SLC8A3: variants seen among roughly 807,000 people sequenced by gnomAD.
SLC8A3 encodes the protein sodium/calcium exchanger 3.
Under a neutral mutation model 65.4 loss-of-function variants are expected in SLC8A3, and 37 were observed. That is an observed-to-expected ratio of 0.57 (90% CI 0.44 to 0.74). The LOEUF is 0.74. SLC8A3 is among the 30% of genes least tolerant of loss of function. SLC8A3 has a pLI of 0.00. For synonymous variants in SLC8A3, 461 were observed against 444.5 expected (o/e 1.04, Z -0.47); for missense variants, 1,112 against 1,172.1 (o/e 0.95, Z 0.75).
chr14:70,060,496 C>A (rs1476823897), intron 3 of SLC8A3, among the ~76,000 whole-genome samples: 2 of 151,954 alleles, frequency 1.3e-5, no homozygotes, highest in Non-Finnish European at 2.9e-5. Context: ...AGTGCAGGGG[C>A]CCATGGCAAT....
chr14:70,048,259 T>G, intron 6 of SLC8A3: 1 of 227,142 alleles, frequency 4.4e-6, no homozygotes, highest in South Asian at 8.8e-5. Context: ...AGGCCAAGAA[T>G]GTATGTGGGC....
chr14:70,111,202 C>T (rs1193321791), intron 2 of SLC8A3, among the ~76,000 whole-genome samples: 1 of 152,180 alleles, frequency 6.6e-6, no homozygotes, highest in African/African-American at 2.4e-5. Flanking sequence ...GGCTAAAAGC[C>T]ATTTTAACTG....
At chr14:70,113,036 T>TGTATTCTGAGGTTC (rs56777557) in intron 2 of SLC8A3, among the ~76,000 whole-genome samples, 1 of 152,114 alleles carries the variant, frequency 6.6e-6, no homozygotes, top group South Asian at 2.1e-4. Flanking sequence ...GACTTGAACT[T>TGTATTCTGAGGTTC]TTGGGGTCCA....
At chr14:70,118,290 C>A (rs948652365) in intron 2 of SLC8A3, among the ~76,000 whole-genome samples, 2 of 152,214 alleles carry the variant, frequency 1.3e-5, no homozygotes, top group Admixed American at 1.3e-4. Flanking sequence ...CTACAAAGGG[C>A]AGATTCCAAA....
intron 2 of SLC8A3, among the ~76,000 whole-genome samples, chr14:70,142,682 G>A (rs117891493): frequency 0.011 from 1,623 of 152,302 alleles, 60 homozygotes; most frequent in Admixed American, 0.073. Flanking sequence ...ATTTCTGAGG[G>A]AACCTCCTCT....
chr14:70,082,140 A>G (rs1891094678), intron 2 of SLC8A3, among the ~76,000 whole-genome samples: 1 of 152,228 alleles, frequency 6.6e-6, no homozygotes, highest in African/African-American at 2.4e-5. Flanking sequence ...CAGAACTAGG[A>G]TTTGACCCCA....
Position 70,055,795 on chromosome 14 carries a change from C to T in SLC8A3, c.1889-3681G>A, listed in dbSNP as rs867788110. 1.1e-5 allele frequency: 17 copies of T among 1,610,266 alleles called. No individual in the cohort carries two copies. In the East Asian group the frequency reaches 3.4e-4, roughly 32 times the overall value. On this transcript the variant is annotated intron_variant, in intron 3 of 6. Transcript: ENST00000356921. ...AAAGAGGGGGACAAGACACCTCTTA[C>T]CTGGAGATAACAGGAGCGCTGTTTG...
At chr14:70,139,206 T>G (rs1895409609) in intron 2 of SLC8A3, among the ~76,000 whole-genome samples, 1 of 152,122 alleles carries the variant, frequency 6.6e-6, no homozygotes, top group African/African-American at 2.4e-5. Context: ...GTGCCTGAGT[T>G]GTTGACTAGT....
chr14:70,172,886 A>T (rs56157852), intron 1 of SLC8A3, among the ~76,000 whole-genome samples: 11,041 of 152,174 alleles, frequency 0.073, 515 homozygotes, highest in Middle Eastern at 0.13. Context: ...TTCAAGCATG[A>T]GTGAGCTTTA....
chr14:70,142,808 C>T (rs1195358408), intron 2 of SLC8A3, among the ~76,000 whole-genome samples: 3 of 152,086 alleles, frequency 2.0e-5, no homozygotes, highest in Admixed American at 1.3e-4. Flanking sequence ...AAGGTTCTGT[C>T]GTATGTATTG....
At chr14:70,047,310 T>TTTTG (rs1027114315) in intron 6 of SLC8A3, 2 of 152,224 alleles carry the variant, frequency 1.3e-5, no homozygotes, top group East Asian at 1.9e-4. Flanking sequence ...GGCCTTGTTT[T>TTTTG]TTTGTTTGTT....
intron 1 of SLC8A3, among the ~76,000 whole-genome samples, chr14:70,169,691 TGG>T (rs11291451): frequency 0.054 from 5,547 of 103,552 alleles, 373 homozygotes; most frequent in African/African-American, 0.16. Context: ...AAAAAAAAAG[TGG>T]GGGGGGGGGC....
chr14:70,153,072 G>T (rs1896369148), intron 2 of SLC8A3, among the ~76,000 whole-genome samples: 1 of 152,162 alleles, frequency 6.6e-6, no homozygotes, highest in African/African-American at 2.4e-5. Flanking sequence ...TATTGCTGAA[G>T]CTGGGACAGG....
At position 70,180,468 on chromosome 14, in the gene SLC8A3, GC is replaced by G. The variant is rs542201570; in HGVS notation, c.-63+7910del. Among the ~76,000 whole-genome samples, 308 of 152,178 alleles carry G rather than the reference GC, an allele frequency of 2.0e-3. 1 individual carries two copies. The highest frequency in any genetic ancestry group is 7.1e-3 in the African/African-American group (296 of 41,504). ...ATTCCTCAGACTCCCAGCAGATCTA[GC>G]TACTACCTTCACAGATGTGCTCTTC... On this transcript the variant is annotated intron_variant, in intron 1 of 6. Transcript: ENST00000356921.
At chr14:70,074,046 T>C (rs890463953) in intron 2 of SLC8A3, among the ~76,000 whole-genome samples, 2 of 152,208 alleles carry the variant, frequency 1.3e-5, no homozygotes, top group African/African-American at 4.8e-5. Context: ...TTTTCTTGAC[T>C]GAACCCATCA....
chr14:70,054,126 T>C (rs1309233363), intron 3 of SLC8A3, among the ~76,000 whole-genome samples: 1 of 151,974 alleles, frequency 6.6e-6, no homozygotes, highest in African/African-American at 2.4e-5. Flanking sequence ...AGATAGAATA[T>C]GAATAGGATG....
chr14:70,096,038 C>A (rs895348384), intron 2 of SLC8A3, among the ~76,000 whole-genome samples: 7 of 152,046 alleles, frequency 4.6e-5, no homozygotes, highest in African/African-American at 1.7e-4. Context: ...TGTGCCACCA[C>A]GCCCAGCTAA....
intron 2 of SLC8A3, among the ~76,000 whole-genome samples, chr14:70,130,843 AG>A (rs2140229389): frequency 6.6e-6 from 1 of 152,352 alleles, no homozygotes; most frequent in Non-Finnish European, 1.5e-5. Context: ...CTAGACTTAG[AG>A]TAAGAGCCAT....
chr14:70,049,959 G>C (rs1887290050), intron 5 of SLC8A3, among the ~76,000 whole-genome samples: 1 of 152,246 alleles, frequency 6.6e-6, no homozygotes, highest in South Asian at 2.1e-4. Flanking sequence ...GGTATGCTGA[G>C]GCATGCCTGT....
Sources: allele counts gnomAD v4.1 joint callset (sites outside exome capture counted in the v4.1 genomes callset), GRCh38; gene constraint gnomAD v4.1.1; transcripts MANE v1.5; gene names NCBI Gene and HGNC (gene_info 2026-07-23, HGNC 2026-07-21).